HABP2: variants seen among roughly 807,000 people sequenced by gnomAD.
HABP2 encodes the protein factor VII-activating protease.
In HABP2, 65 loss-of-function variants were observed where a neutral mutation model predicts 66.5. The ratio of observed to expected loss-of-function variants is 0.98; its 90% CI spans 0.80 to 1.20. The LOEUF is 1.20. Ranked by LOEUF, HABP2 falls within the 50% of genes most tolerant of loss-of-function variation. HABP2 has a pLI of 0.00. For missense variants in HABP2, 786 were observed against 691.0 expected (o/e 1.14, Z -1.54); for synonymous variants, 263 against 253.9 (o/e 1.04, Z -0.34).
At chr10:113,575,485 C>A (rs935373504) in intron 3 of HABP2, among the ~76,000 whole-genome samples, 2 of 152,142 alleles carry the variant, frequency 1.3e-5, no homozygotes, top group Non-Finnish European at 2.9e-5. Flanking sequence ...CACTCCTGAC[C>A]TCCACCCCTG....
intron 1 of HABP2, among the ~76,000 whole-genome samples, chr10:113,563,030 G>C (rs546941060): frequency 6.6e-6 from 1 of 152,176 alleles, no homozygotes; most frequent in East Asian, 1.9e-4. Context: ...CTCTAAATTG[G>C]ATATAATCAT....
chr10:113,578,013 C>G lies in HABP2; in HGVS notation c.449-13C>G. ...TCTGAAGAGCCTTCCTGGCCCCATT[C>G]CTGTGTTCACAGTGGTTCCTGTATG... On this transcript the variant is annotated splice_polypyrimidine_tract_variant and intron_variant, in intron 5 of 12. Coordinates refer to ENST00000351270, the MANE Select transcript of HABP2 (RefSeq NM_004132.5). The G allele has an allele frequency of 6.2e-7, 1 of 1,613,692 alleles. No homozygotes were observed.
chr10:113,575,110 A>G (rs1188353219), intron 3 of HABP2, among the ~76,000 whole-genome samples: 2 of 152,212 alleles, frequency 1.3e-5, no homozygotes, highest in Non-Finnish European at 2.9e-5. Context: ...CAGCTGGAAT[A>G]AAAGCTGTGT....
chr10:113,581,594 CATA>C (rs1845532653), intron 8 of HABP2, among the ~76,000 whole-genome samples: 1 of 152,228 alleles, frequency 6.6e-6, no homozygotes, highest in African/African-American at 2.4e-5. Flanking sequence ...TTTACATAAA[CATA>C]ATGTGTGTGT....
chr10:113,581,368 T>C (rs775029228), intron 8 of HABP2, among the ~76,000 whole-genome samples: 2 of 152,220 alleles, frequency 1.3e-5, no homozygotes, highest in African/African-American at 2.4e-5. Flanking sequence ...GCACCACCTA[T>C]ACAACATTTA....
chr10:113,578,283 A>AG, intron 6 of HABP2, 138 bp downstream of exon 6: 1 of 949,122 alleles, frequency 1.1e-6, no homozygotes, highest in African/African-American at 1.6e-5. Context: ...CTAAAGGGAT[A>AG]GGGCGTGTCT....
intron 1 of HABP2, among the ~76,000 whole-genome samples, chr10:113,553,776 A>G (rs766415226): frequency 9.9e-5 from 15 of 152,174 alleles, no homozygotes; most frequent in Non-Finnish European, 1.9e-4. Flanking sequence ...CAGGGGCCCA[A>G]GGGAGGTTGC....
chr10:113,574,896 C>T (rs1447206621), intron 3 of HABP2, among the ~76,000 whole-genome samples: 1 of 152,186 alleles, frequency 6.6e-6, no homozygotes, highest in Non-Finnish European at 1.5e-5. Context: ...TTTCTCCCTT[C>T]ACTCTTTAGA....
rs1204044848 is a variant in HABP2 at position 113,577,972 on chromosome 10, A to G, written c.449-54A>G. 1.1e-5 allele frequency: 18 copies of G among 1,597,770 alleles called. No homozygotes were observed. In the South Asian group the frequency reaches 1.2e-4, roughly 11 times the overall value. ...CCAATGTCTCCTTGTCATCTCAGAC[A>G]TGGGCTGCAACTCCTTCTGAAGAGC... is the stretch of plus-strand genomic sequence containing the variant. On this transcript the variant is annotated intron_variant, in intron 5 of 12. Coordinates refer to ENST00000351270, the MANE Select transcript of HABP2 (RefSeq NM_004132.5).
chr10:113,575,904 C>G lies in HABP2; in HGVS notation c.231C>G (p.Cys77Trp), dbSNP rs1344067387. 1.6e-5 allele frequency: 25 copies of G among 1,599,538 alleles called. No homozygotes were observed. The highest frequency in any genetic ancestry group is 2.1e-5 in the Non-Finnish European group (25 of 1,166,986). Residue 77 changes from cysteine (C) to tryptophan (W), a missense_variant, in exon 4 of 13, where the codon TGC (cysteine) becomes TGG (tryptophan). Coordinates refer to ENST00000351270, the MANE Select transcript of HABP2 (RefSeq NM_004132.5). ...TCTTCCTGTGTGTCTTAGATCCATG[C>G]CAGCCCAACCCCTGTGAACACGGTG... ...WYYTEDQADP[C>W]QPNPCEHGGD...
chr10:113,558,129 C>G (rs1166523177), intron 1 of HABP2, among the ~76,000 whole-genome samples: 6 of 152,214 alleles, frequency 3.9e-5, no homozygotes, highest in Admixed American at 3.9e-4. Flanking sequence ...GACAAAGTCG[C>G]TCCCATCTGG....
intron 11 of HABP2, among the ~76,000 whole-genome samples, chr10:113,584,969 A>G (rs1482071035): frequency 6.6e-6 from 1 of 152,238 alleles, no homozygotes; most frequent in South Asian, 2.1e-4. Context: ...AAGGTATTTC[A>G]TGTCTTTTCC....
intron 1 of HABP2, 134 bp from the exon 2 acceptor site, chr10:113,567,355 C>G (rs1565099521): frequency 1.4e-6 from 1 of 716,390 alleles, no homozygotes; most frequent in Non-Finnish European, 2.5e-6. Flanking sequence ...CCTTCAACCT[C>G]TAGCCCAGCC....
chr10:113,589,478 G>A lies in HABP2; in HGVS notation c.*1109G>A. Reference sequence around the variant, plus strand: ...GACTTCAGAGAAAGCCCTGCAGGAAGTTTAACCTGCGTGTCATCTGCCTGG... The same window carrying A: ...GACTTCAGAGAAAGCCCTGCAGGAAATTTAACCTGCGTGTCATCTGCCTGG... On this transcript the variant is annotated 3_prime_UTR_variant, in exon 13 of 13. Coordinates refer to ENST00000351270, the MANE Select transcript of HABP2 (RefSeq NM_004132.5). 1.5e-6 allele frequency: 1 copy of A among 666,974 alleles called. No individual in the cohort carries two copies. The highest frequency in any genetic ancestry group is 2.7e-5 in the East Asian group (1 of 36,394). The allele number at this position is 666,974 out of a possible 1,614,324, so 41.3% of individuals were successfully genotyped here. A position where few individuals can be genotyped will look rare whatever the true frequency, so the allele number is the denominator to read the frequency against.
In HABP2 at chr10:113,572,092, C is replaced by T. The variant is rs11575733; in HGVS notation, c.107-2197C>T. Among the ~76,000 whole-genome samples the T allele has an allele frequency of 2.3e-3, 349 of 152,358 alleles. 1 individual carries two copies. The highest frequency in any genetic ancestry group is 8.1e-3 in the African/African-American group (338 of 41,584). ...CAGCCACCAGCTGGATGGCTTCTTC[C>T]ACCCTGGCTACCTGGGGCCACTGAG... On this transcript the variant is annotated intron_variant, in intron 2 of 12. Coordinates refer to ENST00000351270, the MANE Select transcript of HABP2 (RefSeq NM_004132.5).
intron 11 of HABP2, 84 bp downstream of exon 11, chr10:113,584,366 G>A (rs994044460): frequency 1.8e-6 from 2 of 1,095,736 alleles, no homozygotes; most frequent in South Asian, 2.7e-5. Context: ...CCCTTTTGAA[G>A]TTGAAATGAG....
rs748460774 is a variant in HABP2 at position 113,578,067 on chromosome 10, A to G, written c.490A>G (p.Thr164Ala). The change falls in exon 6 of 13, where the codon ACC becomes GCC. Residue 164 changes from threonine to alanine, a missense_variant. Physicochemically the swap from Thr to Ala is moderately conservative, Grantham distance 58 (BLOSUM62 0). Coordinates refer to ENST00000351270, the MANE Select transcript of HABP2 (RefSeq NM_004132.5). ...CRPNPCQNGA[T>A]CSRHKRRSKF... The stretch of plus-strand genomic sequence containing the variant: ...GCCAAACCCCTGCCAGAATGGGGCT[A>G]CCTGCTCCCGGCATAAGCGGAGATC... 1.2e-6 allele frequency: 2 copies of G among 1,614,000 alleles called. No homozygotes were observed. The highest frequency in any genetic ancestry group is 2.7e-5 in the African/African-American group (2 of 74,914).
chr10:113,569,557 G>A (rs1208763277), intron 2 of HABP2: 2 of 152,378 alleles, frequency 1.3e-5, no homozygotes, highest in Admixed American at 1.3e-4. Flanking sequence ...GGCCTTGCTG[G>A]AGCAGAAGGT....
Position 113,588,609 on chromosome 10 carries a change from T to C in HABP2, c.*240T>C. ...GAATGATGGAATCAACACAACATAG[T>C]ATGTTTGCTTTCCTTACCCAATTGT... On this transcript the variant is annotated 3_prime_UTR_variant, in exon 13 of 13. Transcript: ENST00000351270. 1.9e-6 allele frequency: 1 copy of C among 537,558 alleles called. No individual in the cohort carries two copies. Among genetic ancestry groups the C allele is most frequent in the Non-Finnish European group, 3.3e-6 (1 of 306,942 alleles). 33.3% of individuals were successfully genotyped at this position (537,558 alleles called of 1,614,324 possible).
Sources: allele counts gnomAD v4.1 joint callset (sites outside exome capture counted in the v4.1 genomes callset), GRCh38; gene constraint gnomAD v4.1.1; transcripts MANE v1.5; gene names NCBI Gene and HGNC (gene_info 2026-07-23, HGNC 2026-07-21).